The following RBMS3 variants were observed in gnomAD, a reference collection of about 807,000 sequenced individuals.
RBMS3 encodes the protein RNA binding motif single stranded interacting protein 3.
A neutral mutation model predicts 66.8 loss-of-function variants in RBMS3; 27 were observed. The ratio of observed to expected loss-of-function variants is 0.40; its 90% CI spans 0.30 to 0.56. The LOEUF (loss-of-function observed/expected upper bound fraction) is 0.56. Among genes scored for constraint, RBMS3 ranks in the 20% least tolerant of loss-of-function variants. The pLI is 0.40. For synonymous variants in RBMS3, 188 were observed against 183.0 expected (o/e 1.03, Z -0.22); for missense variants, 513 against 549.5 (o/e 0.93, Z 0.66).
At chr3:29,892,836 TATGTATG>T (rs1205018631) in intron 8 of RBMS3, among the ~76,000 whole-genome samples, 3 of 143,070 alleles carry the variant, frequency 2.1e-5, no homozygotes, top group African/African-American at 5.4e-5. Flanking sequence ...TGTATGTATG[TATGTATG>T]TATTTATTTA....
chr3:29,701,723 C>T (rs2149289786), intron 4 of RBMS3, among the ~76,000 whole-genome samples: 1 of 152,178 alleles, frequency 6.6e-6, no homozygotes, highest in East Asian at 1.9e-4. Flanking sequence ...GGGCCAGCAG[C>T]TGCGGAGGGT....
chr3:29,798,275 G>A lies in RBMS3; in HGVS notation c.637+35286G>A, dbSNP rs796181790. On this transcript the variant is annotated intron_variant, in intron 6 of 14. Transcript: ENST00000383767. Reference sequence around the variant, plus strand: ...AGAAGAAAAGGGAAGGGAAGGGAAGGGAAGGGAAGGGAAGAGAAGGGAAGG... The same window carrying A: ...AGAAGAAAAGGGAAGGGAAGGGAAGAGAAGGGAAGGGAAGAGAAGGGAAGG... 5.9e-5 allele frequency among the ~76,000 whole-genome samples: 7 copies of A among 117,988 alleles called. 1 individual carries two copies. Among genetic ancestry groups the A allele is most frequent in the African/African-American group, 2.4e-4 (7 of 29,718 alleles). The allele number at this position is 117,988 out of a possible 152,430, so 77.4% of individuals were successfully genotyped here. A position where few individuals can be genotyped will look rare whatever the true frequency, so the allele number is the denominator to read the frequency against.
rs749839563 is a variant in RBMS3 at position 29,648,263 on chromosome 3, A to ATTTTTTTTTTTTTTTTTTTTTTTT, written c.399+61080_399+61081insTTTTTTTTTTTTTTTTTTTTTTTT. Among the ~76,000 whole-genome samples, 54 of 77,642 alleles carry ATTTTTTTTTTTTTTTTTTTTTTTT rather than the reference A, an allele frequency of 7.0e-4. 7 individuals are homozygous for ATTTTTTTTTTTTTTTTTTTTTTTT. The highest frequency in any genetic ancestry group is 1.2e-3 in the African/African-American group (22 of 19,130). The allele number at this position is 77,642 out of a possible 152,430, so 50.9% of individuals were successfully genotyped here. ...AACATAGGGAAAATAGAAAATGTCT[A>ATTTTTTTTTTTTTTTTTTTTTTTT]TTTTTTTTTTTTTTTTTTTTTTGCG... On this transcript the variant is annotated intron_variant, in intron 4 of 14. Coordinates refer to ENST00000383767, the MANE Select transcript of RBMS3 (RefSeq NM_001003793.3).
intron 3 of RBMS3, among the ~76,000 whole-genome samples, chr3:29,533,306 T>G (rs566872107): frequency 4.7e-4 from 71 of 151,546 alleles, no homozygotes; most frequent in African/African-American, 1.7e-3. Flanking sequence ...AAACAAGAAC[T>G]CATCTCTGTG....
chr3:29,624,389 G>A (rs544106702), intron 4 of RBMS3, among the ~76,000 whole-genome samples: 1 of 152,218 alleles, frequency 6.6e-6, no homozygotes, highest in East Asian at 1.9e-4. Context: ...CTGTGAGAAT[G>A]AAAGTTAAAG....
intron 3 of RBMS3, among the ~76,000 whole-genome samples, chr3:29,529,607 A>T (rs970081173): frequency 2.0e-5 from 3 of 151,812 alleles, no homozygotes; most frequent in Non-Finnish European, 4.4e-5. Flanking sequence ...TGATTTTTTT[A>T]AATATAAAAT....
chr3:29,778,830 A>C (rs1392658489), intron 6 of RBMS3, among the ~76,000 whole-genome samples: 13 of 151,914 alleles, frequency 8.6e-5, no homozygotes. Context: ...TCTGGTAAAT[A>C]CTAAGTGTTA....
chr3:29,886,790 A>G (rs926738871), intron 8 of RBMS3, among the ~76,000 whole-genome samples: 1 of 151,768 alleles, frequency 6.6e-6, no homozygotes, highest in Non-Finnish European at 1.5e-5. Flanking sequence ...AGGAAGCATC[A>G]TTAAGAGGAT....
chr3:29,767,316 C>A (rs977265586), intron 6 of RBMS3: 4 of 151,478 alleles, frequency 2.6e-5, no homozygotes, highest in African/African-American at 7.3e-5. Flanking sequence ...TTGTTTTTTC[C>A]TGTAAGCACG....
At chr3:29,742,911 T>A (rs2054705993) in intron 5 of RBMS3, among the ~76,000 whole-genome samples, 1 of 152,198 alleles carries the variant, frequency 6.6e-6, no homozygotes, top group African/African-American at 2.4e-5. Context: ...AAGTGCCATG[T>A]GGACTGAAAA....
At chr3:29,466,680 T>A (rs2125789629) in intron 2 of RBMS3, among the ~76,000 whole-genome samples, 1 of 152,208 alleles carries the variant, frequency 6.6e-6, no homozygotes, top group African/African-American at 2.4e-5. Flanking sequence ...AAAACCTACT[T>A]AAGGAAGCAG....
At chr3:29,520,058 G>A (rs2044795000) in intron 3 of RBMS3, among the ~76,000 whole-genome samples, 1 of 152,228 alleles carries the variant, frequency 6.6e-6, no homozygotes, top group East Asian at 1.9e-4. Flanking sequence ...TGGCCATCCT[G>A]TATTTTTATT....
intron 1 of RBMS3, among the ~76,000 whole-genome samples, chr3:29,332,821 A>G (rs1449264949): frequency 6.6e-6 from 1 of 152,202 alleles, no homozygotes; most frequent in Non-Finnish European, 1.5e-5. Context: ...TAACATTGGA[A>G]AATAAATAAG....
intron 4 of RBMS3, among the ~76,000 whole-genome samples, chr3:29,595,397 T>TAA (rs551487113): frequency 0.11 from 10,510 of 99,642 alleles, 483 homozygotes; most frequent in Middle Eastern, 0.16. Flanking sequence ...AGAGTCAGTC[T>TAA]AAAAAAAAAA....
At chr3:29,579,571 T>C (rs1311891414) in intron 3 of RBMS3, among the ~76,000 whole-genome samples, 1 of 152,202 alleles carries the variant, frequency 6.6e-6, no homozygotes, top group Non-Finnish European at 1.5e-5. Flanking sequence ...AGCCCACTTT[T>C]GTCATAATTA....
chr3:29,711,075 A>G (rs2053144649), intron 4 of RBMS3, among the ~76,000 whole-genome samples: 1 of 152,182 alleles, frequency 6.6e-6, no homozygotes, highest in South Asian at 2.1e-4. Flanking sequence ...ACTTAGCCCT[A>G]TGTATCCTAT....
chr3:29,738,136 GT>G (rs2054463540), intron 4 of RBMS3, among the ~76,000 whole-genome samples: 1 of 151,972 alleles, frequency 6.6e-6, no homozygotes, highest in African/African-American at 2.4e-5. Context: ...CAGAAATTTA[GT>G]TGCATACAAA....
chr3:29,489,420 TAC>T (rs2043443365), intron 3 of RBMS3, among the ~76,000 whole-genome samples: 1 of 152,020 alleles, frequency 6.6e-6, no homozygotes, highest in African/African-American at 2.4e-5. Flanking sequence ...AGAAATGAAC[TAC>T]ATATTACAAG....
rs148848885 is a variant in RBMS3, at chr3:29,585,310, T to C, written c.308-1804T>C. Among the ~76,000 whole-genome samples the C allele has an allele frequency of 4.1e-3, 623 of 152,284 alleles. 18 individuals carry two copies. The highest frequency in any genetic ancestry group is 0.036 in the Admixed American group (550 of 15,284). ...AATTAAATTATCTTATATGGAATTGTTTTATTCCATGCCATTTAAGGAATT... is the reference window on the plus strand; with the variant it reads ...AATTAAATTATCTTATATGGAATTGCTTTATTCCATGCCATTTAAGGAATT... On this transcript the variant is annotated intron_variant, in intron 3 of 14. Transcript: ENST00000383767.
Sources: gnomAD v4.1 joint callset for allele counts (sites outside exome capture counted in the v4.1 genomes callset) on GRCh38, gnomAD v4.1.1 for gene constraint, MANE v1.5 for transcripts, NCBI Gene and HGNC (gene_info 2026-07-23, HGNC 2026-07-21) for gene names.